CNTNAP2: variants seen among roughly 807,000 people sequenced by gnomAD.
The protein encoded by CNTNAP2 is contactin-associated protein-like 2.
CNTNAP2 carries 98 observed loss-of-function variants against 155.2 expected under a neutral mutation model. That is an observed-to-expected ratio of 0.63 (90% CI 0.54 to 0.75). The LOEUF (loss-of-function observed/expected upper bound fraction) is 0.75. Ranked by LOEUF, CNTNAP2 falls within the 30% of genes least tolerant of loss-of-function variation. The pLI, the probability that CNTNAP2 is intolerant of heterozygous loss-of-function variation, is 0.00. For missense variants in CNTNAP2, 1,727 were observed against 1,688.1 expected, an observed-to-expected ratio of 1.02 and a Z score of -0.40; for synonymous variants, 651 against 631.2, an observed-to-expected ratio of 1.03 and a Z score of -0.47.
intron 1 of CNTNAP2, among the ~76,000 whole-genome samples, chr7:146,549,588 A>T (rs1798083875): frequency 6.6e-6 from 1 of 152,052 alleles, no homozygotes; most frequent in Admixed American, 6.6e-5. Flanking sequence ...CCTCTCTGTC[A>T]TAAGGGCTAT....
chr7:147,239,353 A>T (rs1803887927), intron 8 of CNTNAP2, among the ~76,000 whole-genome samples: 1 of 151,826 alleles, frequency 6.6e-6, no homozygotes, highest in African/African-American at 2.4e-5. Flanking sequence ...TAAAAAAAAA[A>T]TACAAAATTA....
chr7:147,239,776 C>T (rs1001588079), intron 8 of CNTNAP2, among the ~76,000 whole-genome samples: 22 of 152,150 alleles, frequency 1.4e-4, no homozygotes, highest in African/African-American at 5.1e-4. Context: ...TACAACATAC[C>T]GTATTCATTT....
At chr7:148,401,544 GTTTAT>G (rs113845970) in intron 22 of CNTNAP2, among the ~76,000 whole-genome samples, 133 of 151,862 alleles carry the variant, frequency 8.8e-4, no homozygotes, top group African/African-American at 3.1e-3. Flanking sequence ...TTACCTTCGT[GTTTAT>G]TTTATGAAAT....
At chr7:147,824,042 C>G (rs986873170) in intron 13 of CNTNAP2, among the ~76,000 whole-genome samples, 4 of 152,098 alleles carry the variant, frequency 2.6e-5, no homozygotes, top group Admixed American at 1.3e-4. Flanking sequence ...CTATATAAAC[C>G]AGTAAACCTT....
chr7:148,228,599 A>C (rs553758012), intron 19 of CNTNAP2, among the ~76,000 whole-genome samples: 1 of 152,048 alleles, frequency 6.6e-6, no homozygotes, highest in East Asian at 1.9e-4. Flanking sequence ...TGAGGCTGGC[A>C]GATGACGAGG....
At chr7:146,508,975 G>T (rs551602615) in intron 1 of CNTNAP2, among the ~76,000 whole-genome samples, 1 of 152,048 alleles carries the variant, frequency 6.6e-6, no homozygotes, top group Admixed American at 6.6e-5. Flanking sequence ...CTGCTTCCCC[G>T]AGGGCTGCCA....
intron 1 of CNTNAP2, among the ~76,000 whole-genome samples, chr7:146,356,045 A>C (rs1794992797): frequency 7.5e-6 from 1 of 133,112 alleles, no homozygotes; most frequent in Non-Finnish European, 1.5e-5. Flanking sequence ...TGAAGTATAC[A>C]TACGAATACA....
intron 8 of CNTNAP2, among the ~76,000 whole-genome samples, chr7:147,287,173 G>T (rs753269954): frequency 7.2e-5 from 11 of 152,124 alleles, no homozygotes; most frequent in Admixed American, 2.6e-4. Flanking sequence ...AGTGGGGTCA[G>T]TGGATGCAAC....
intron 3 of CNTNAP2, among the ~76,000 whole-genome samples, chr7:146,945,828 C>G (rs756328106): frequency 5.3e-5 from 8 of 152,108 alleles, no homozygotes; most frequent in Non-Finnish European, 8.8e-5. Context: ...TTTTACATCT[C>G]CAAAGCCCCC....
At chr7:147,265,368 T>G (rs1284256275) in intron 8 of CNTNAP2, among the ~76,000 whole-genome samples, 1 of 152,102 alleles carries the variant, frequency 6.6e-6, no homozygotes, top group Non-Finnish European at 1.5e-5. Flanking sequence ...GTTCCTACAT[T>G]TCAGCACACC....
chr7:146,919,745 G>T (rs1796461410), intron 3 of CNTNAP2, among the ~76,000 whole-genome samples: 1 of 152,288 alleles, frequency 6.6e-6, no homozygotes, highest in African/African-American at 2.4e-5. Context: ...GGGGCATACA[G>T]CTCCCAAGAG....
intron 8 of CNTNAP2, among the ~76,000 whole-genome samples, chr7:147,284,740 G>A (rs1316072132): frequency 6.6e-6 from 1 of 151,806 alleles, no homozygotes; most frequent in Non-Finnish European, 1.5e-5. Context: ...TTGCCACTAG[G>A]AGTAAGAAAA....
intron 9 of CNTNAP2, among the ~76,000 whole-genome samples, chr7:147,303,484 A>G (rs1205870914): frequency 6.6e-6 from 1 of 152,232 alleles, no homozygotes; most frequent in East Asian, 1.9e-4. Flanking sequence ...TAACTAAAAC[A>G]CAAATGCACA....
chr7:146,230,411 A>G (rs1799364757), intron 1 of CNTNAP2, among the ~76,000 whole-genome samples: 1 of 152,212 alleles, frequency 6.6e-6, no homozygotes, highest in Non-Finnish European at 1.5e-5. Context: ...GCTGATACAA[A>G]ATGCTAGACA....
At chr7:148,402,688 AC>A (rs1799615831) in intron 22 of CNTNAP2, among the ~76,000 whole-genome samples, 1 of 152,200 alleles carries the variant, frequency 6.6e-6, no homozygotes, top group South Asian at 2.1e-4. Context: ...TCTCGCCCGG[AC>A]CCACTGTAAA....
At chr7:147,610,555 A>T (rs1470578677) in intron 12 of CNTNAP2, among the ~76,000 whole-genome samples, 1 of 152,148 alleles carries the variant, frequency 6.6e-6, no homozygotes, top group Non-Finnish European at 1.5e-5. Flanking sequence ...CAAAGGTAAA[A>T]TGCAGAGTGG....
At chr7:147,890,522 C>G (rs2708255) in intron 13 of CNTNAP2, among the ~76,000 whole-genome samples, 78,921 of 151,968 alleles carry the variant, frequency 0.52, 20,622 homozygotes, top group East Asian at 0.58. Context: ...ATCAGTATGT[C>G]AAAGAGGTAT....
chr7:146,720,393 A>G (rs1801265156), intron 1 of CNTNAP2, among the ~76,000 whole-genome samples: 1 of 152,092 alleles, frequency 6.6e-6, no homozygotes, highest in Non-Finnish European at 1.5e-5. Context: ...TAGAGAAGGC[A>G]ATTATCTATT....
chr7:147,313,979 G>A (rs1040282118), intron 9 of CNTNAP2, among the ~76,000 whole-genome samples: 13 of 151,764 alleles, frequency 8.6e-5, no homozygotes, highest in Admixed American at 2.0e-4. Context: ...GGTCCTTCAC[G>A]TCCCTTGTAA....
Sources: allele counts gnomAD v4.1 joint callset (sites outside exome capture counted in the v4.1 genomes callset), GRCh38; gene constraint gnomAD v4.1.1; transcripts MANE v1.5; gene names NCBI Gene and HGNC (gene_info 2026-07-23, HGNC 2026-07-21).